Variants in ENAH observed in about 807,000 individuals in gnomAD.
The protein encoded by ENAH is protein enabled homolog.
Under a neutral mutation model 78.7 loss-of-function variants are expected in ENAH, and 23 were observed. The observed-to-expected ratio is 0.29, with a 90% CI of 0.21 to 0.41. The LOEUF is 0.41. ENAH is among the 10% of genes least tolerant of loss of function. The pLI is 1.00. For missense variants in ENAH, 544 were observed against 691.0 expected, an observed-to-expected ratio of 0.79 and a Z score of 2.39; for synonymous variants, 226 against 241.0, an observed-to-expected ratio of 0.94 and a Z score of 0.58.
At position 225,588,078 on chromosome 1, in the gene ENAH, A is replaced by G. The variant is rs148660979; in HGVS notation, c.6-20664T>C. On this transcript the variant is annotated intron_variant, in intron 1 of 13. Transcript: ENST00000366843. ...CAGGAAGGCAAAAGCTCTTCTCAAT[A>G]ATTACAGGGAAAAAAGGCAAATTAA... Among the ~76,000 whole-genome samples, 833 of 152,308 alleles carry G rather than the reference A, an allele frequency of 5.5e-3. 4 individuals carry two copies. The highest frequency in any genetic ancestry group is 0.012 in the Admixed American group (179 of 15,298).
chr1:225,572,610 T>G (rs2096768845), intron 1 of ENAH, among the ~76,000 whole-genome samples: 1 of 152,214 alleles, frequency 6.6e-6, no homozygotes, highest in African/African-American at 2.4e-5. Context: ...GAGACAGTAT[T>G]GCTGCATGGA....
intron 1 of ENAH, among the ~76,000 whole-genome samples, chr1:225,586,765 C>T (rs1232481719): frequency 6.6e-6 from 1 of 152,074 alleles, no homozygotes; most frequent in Non-Finnish European, 1.5e-5. Flanking sequence ...GTGGCTCACC[C>T]GTTATCCCAG....
In ENAH at chr1:225,585,888, A is replaced by G. The variant is rs574345228; in HGVS notation, c.6-18474T>C. The stretch of plus-strand genomic sequence containing the variant: ...TGTGAATGCATATATGAGAAAAGAA[A>G]GGCCTAAAAGCAAAGACTTGAGCTT... On this transcript the variant is annotated intron_variant, in intron 1 of 13. Transcript: ENST00000366843. 7.2e-4 allele frequency among the ~76,000 whole-genome samples: 109 copies of G among 152,248 alleles called. 1 individual carries two copies. The highest frequency in any genetic ancestry group is 2.5e-3 in the African/African-American group (102 of 41,546).
intron 4 of ENAH, among the ~76,000 whole-genome samples, chr1:225,527,784 C>T (rs1001258483): frequency 6.6e-6 from 1 of 152,066 alleles, no homozygotes; most frequent in Non-Finnish European, 1.5e-5. Flanking sequence ...AATGCTTTTC[C>T]CTTCTATGAC....
chr1:225,634,727 G>A lies in ENAH; in HGVS notation c.5+17959C>T, dbSNP rs1370772413. On this transcript the variant is annotated intron_variant, in intron 1 of 13. Transcript: ENST00000366843. ...GTCATCAAAAATCTATTGAATGTGAGGGTTTACTGGGCTCTCTATTCTATT... is the reference window on the plus strand; with the variant it reads ...GTCATCAAAAATCTATTGAATGTGAAGGTTTACTGGGCTCTCTATTCTATT... Among the ~76,000 whole-genome samples, 3 of 152,200 alleles carry A rather than the reference G, an allele frequency of 2.0e-5. No homozygotes were observed. The East Asian group carries it at 5.8e-4, about 29-fold the overall frequency.
At chr1:225,507,466 C>T (rs1446446618) in intron 11 of ENAH, among the ~76,000 whole-genome samples, 1 of 151,872 alleles carries the variant, frequency 6.6e-6, no homozygotes, top group Non-Finnish European at 1.5e-5. Context: ...ATTGTGGTTA[C>T]ATAGCAGATG....
intron 2 of ENAH, among the ~76,000 whole-genome samples, chr1:225,562,571 C>CAAAAAAAAAAAAAAAAAAAAAAAAAAA (rs869309795): frequency 2.6e-5 from 1 of 38,076 alleles, no homozygotes; most frequent in Non-Finnish European, 4.5e-5. Flanking sequence ...GACTGCGTCT[C>CAAAAAAAAAAAAAAAAAAAAAAAAAAA]AAAAAAAAAA....
chr1:225,569,810 G>A (rs1175775596), intron 1 of ENAH, among the ~76,000 whole-genome samples: 1 of 152,134 alleles, frequency 6.6e-6, no homozygotes, highest in Non-Finnish European at 1.5e-5. Context: ...TAAGCTATGG[G>A]TAAGAGCTGA....
chr1:225,498,771 G>A (rs1017408618), intron 12 of ENAH, among the ~76,000 whole-genome samples: 13 of 152,216 alleles, frequency 8.5e-5, no homozygotes, highest in African/African-American at 2.9e-4. Context: ...AGAGGAGGAA[G>A]ATATTACAGT....
At position 225,491,253 on chromosome 1, in the gene ENAH, G is replaced by A. The variant is rs1250498282; in HGVS notation, c.*6522C>T. The stretch of plus-strand genomic sequence containing the variant: ...CCTCCTGGATTCAAGCGACTCTTCT[G>A]TCTCAGCCTCCCGAAGAGCTGGGAT... On this transcript the variant is annotated 3_prime_UTR_variant, in exon 14 of 14. Coordinates refer to ENST00000366843, the MANE Select transcript of ENAH (RefSeq NM_018212.6). 2 of 152,226 alleles carry A rather than the reference G, an allele frequency of 1.3e-5. No individual in the cohort carries two copies. Among genetic ancestry groups the A allele is most frequent in the African/African-American group, 4.8e-5 (2 of 41,442 alleles). 9.4% of individuals were successfully genotyped at this position (152,226 alleles called of 1,614,324 possible). A position where few individuals can be genotyped will look rare whatever the true frequency, so the allele number is the denominator to read the frequency against.
intron 1 of ENAH, among the ~76,000 whole-genome samples, chr1:225,629,277 C>T (rs1431473483): frequency 1.3e-5 from 2 of 149,896 alleles, no homozygotes; most frequent in African/African-American, 2.5e-5. Context: ...GACTCCATCT[C>T]GGAAGAAAGA....
At chr1:225,561,914 T>G in intron 2 of ENAH, among the ~76,000 whole-genome samples, 1 of 152,068 alleles carries the variant, frequency 6.6e-6, no homozygotes. Context: ...CATGACCCTT[T>G]CTCCTATCTT....
At chr1:225,530,028 C>T (rs1190351470) in intron 4 of ENAH, among the ~76,000 whole-genome samples, 3 of 152,208 alleles carry the variant, frequency 2.0e-5, no homozygotes, top group Non-Finnish European at 4.4e-5. Context: ...CATCCTGGTA[C>T]TCCAAAGGTT....
intron 10 of ENAH, among the ~76,000 whole-genome samples, 158 bp downstream of exon 10, chr1:225,511,653 G>A (rs867573886): frequency 2.0e-5 from 3 of 152,134 alleles, no homozygotes; most frequent in African/African-American, 4.8e-5. Flanking sequence ...CAGCTTCCAG[G>A]AGGAAAAAAG....
At chr1:225,624,872 C>T (rs149210716) in intron 1 of ENAH, among the ~76,000 whole-genome samples, 14 of 152,266 alleles carry the variant, frequency 9.2e-5, no homozygotes, top group Middle Eastern at 6.8e-3. Context: ...TCCCAGGTCA[C>T]AATCTTACAT....
intron 1 of ENAH, among the ~76,000 whole-genome samples, chr1:225,585,915 G>A (rs890417164): frequency 5.3e-5 from 8 of 152,100 alleles, no homozygotes; most frequent in Admixed American, 3.3e-4. Flanking sequence ...CTTGAGCTTC[G>A]TTCTTAAGTT....
At chr1:225,546,263 G>A (rs2096613436) in intron 3 of ENAH, among the ~76,000 whole-genome samples, 1 of 152,094 alleles carries the variant, frequency 6.6e-6, no homozygotes, top group Non-Finnish European at 1.5e-5. Flanking sequence ...AAGAGGATAA[G>A]CTACTATCAA....
chr1:225,622,257 T>G (rs1657118562), intron 1 of ENAH, among the ~76,000 whole-genome samples: 1 of 152,176 alleles, frequency 6.6e-6, no homozygotes, highest in Non-Finnish European at 1.5e-5. Context: ...CTATCTTGAT[T>G]GTACACCTTA....
intron 3 of ENAH, among the ~76,000 whole-genome samples, chr1:225,545,989 T>C (rs2096611786): frequency 6.7e-6 from 1 of 148,196 alleles, no homozygotes; most frequent in African/African-American, 2.5e-5. Context: ...AGTGGCGTGA[T>C]CATAGCTCAC....
Sources: allele counts gnomAD v4.1 joint callset (sites outside exome capture counted in the v4.1 genomes callset), GRCh38; gene constraint gnomAD v4.1.1; transcripts MANE v1.5; gene names NCBI Gene and HGNC (gene_info 2026-07-23, HGNC 2026-07-21).